The following ARHGAP18 variants were observed in gnomAD, a reference collection of about 807,000 sequenced individuals.
ARHGAP18 encodes Rho GTPase activating protein 18, also known as rho GTPase-activating protein 18.
In ARHGAP18, 67 loss-of-function variants were observed where a neutral mutation model predicts 86.2. The ratio of observed to expected loss-of-function variants is 0.78; its 90% CI spans 0.64 to 0.95. ARHGAP18 has a LOEUF of 0.95. Among genes scored for constraint, ARHGAP18 ranks in the 40% least tolerant of loss-of-function variants. The pLI is 0.00. For synonymous variants in ARHGAP18, 283 were observed against 280.4 expected (o/e 1.01, Z -0.09); for missense variants, 691 against 780.4 (o/e 0.89, Z 1.37).
intron 7 of ARHGAP18, among the ~76,000 whole-genome samples, chr6:129,614,747 G>GA (rs1259296555): frequency 7.7e-6 from 1 of 129,058 alleles, no homozygotes; most frequent in Non-Finnish European, 1.6e-5. Flanking sequence ...TGCAGTGACA[G>GA]ATTTTTTTTT....
chr6:129,635,486 G>A (rs1225599341), intron 3 of ARHGAP18, among the ~76,000 whole-genome samples: 1 of 152,156 alleles, frequency 6.6e-6, no homozygotes, highest in African/African-American at 2.4e-5. Context: ...CCCACAAGCC[G>A]GCAGAGGCTG....
chr6:129,638,734 C>G, intron 2 of ARHGAP18, 105 bp from the exon 3 acceptor site: 1 of 991,364 alleles, frequency 1.0e-6, no homozygotes, highest in Non-Finnish European at 1.5e-6. Context: ...TGTAACCAAA[C>G]CACAGTGCTA....
rs1432320355 is a variant in ARHGAP18 at position 129,576,875 on chromosome 6, T to C, written c.*1638A>G. ...ATTGTCAAAGAAACAGACTAAACTGTATTTTGAAAATCCTGAAGAATAAAA... is the reference window on the plus strand; with the variant it reads ...ATTGTCAAAGAAACAGACTAAACTGCATTTTGAAAATCCTGAAGAATAAAA... On this transcript the variant is annotated 3_prime_UTR_variant, in exon 15 of 15. Coordinates refer to ENST00000368149, the MANE Select transcript of ARHGAP18 (RefSeq NM_033515.3). 2 of 152,156 alleles carry C rather than the reference T, an allele frequency of 1.3e-5. No individual in the cohort carries two copies. Among genetic ancestry groups the C allele is most frequent in the Non-Finnish European group, 2.9e-5 (2 of 68,016 alleles). 9.4% of individuals were successfully genotyped at this position (152,156 alleles called of 1,614,324 possible).
At chr6:129,630,834 G>T (rs1773187964) in intron 4 of ARHGAP18, among the ~76,000 whole-genome samples, 1 of 152,106 alleles carries the variant, frequency 6.6e-6, no homozygotes, top group Admixed American at 6.6e-5. Flanking sequence ...TGTGCAGTTT[G>T]TCCCTGACCT....
At chr6:129,657,430 A>T (rs77108437) in intron 1 of ARHGAP18, among the ~76,000 whole-genome samples, 1,429 of 71,146 alleles carry the variant, frequency 0.02, 53 homozygotes, top group Admixed American at 0.13. Flanking sequence ...TTTTGAAATT[A>T]AAAAAAAAAA....
At chr6:129,633,879 C>T (rs973086332) in intron 4 of ARHGAP18, among the ~76,000 whole-genome samples, 163 bp downstream of exon 4, 2 of 151,976 alleles carry the variant, frequency 1.3e-5, no homozygotes, top group Non-Finnish European at 2.9e-5. Context: ...AATTGAAGGC[C>T]AGCTATATGC....
chr6:129,589,814 C>G (rs1177664641), intron 12 of ARHGAP18, among the ~76,000 whole-genome samples: 1 of 152,194 alleles, frequency 6.6e-6, no homozygotes. Flanking sequence ...AATAGGCCAT[C>G]TGCAAGCTGA....
chr6:129,618,621 C>A, intron 6 of ARHGAP18, 66 bp downstream of exon 6: 8 of 1,459,572 alleles, frequency 5.5e-6, no homozygotes, highest in South Asian at 2.8e-5. Flanking sequence ...AGAAATACTG[C>A]AAAAAAGCCA....
At chr6:129,635,851 T>C (rs952831169) in intron 3 of ARHGAP18, among the ~76,000 whole-genome samples, 1 of 152,218 alleles carries the variant, frequency 6.6e-6, no homozygotes, top group Non-Finnish European at 1.5e-5. Context: ...TAGTTCTCTC[T>C]TAATGACTCC....
At chr6:129,646,072 G>C (rs1584084630) in intron 1 of ARHGAP18, among the ~76,000 whole-genome samples, 1 of 152,082 alleles carries the variant, frequency 6.6e-6, no homozygotes, top group South Asian at 2.1e-4. Context: ...AGAGGTGGGG[G>C]TTGCCATTGA....
intron 1 of ARHGAP18, among the ~76,000 whole-genome samples, chr6:129,672,996 A>G (rs188840952): frequency 4.6e-5 from 7 of 152,354 alleles, no homozygotes; most frequent in Non-Finnish European, 8.8e-5. Context: ...CCAGTGATAT[A>G]ACCAGTTGTC....
At chr6:129,686,004 G>A (rs752132000) in intron 1 of ARHGAP18, among the ~76,000 whole-genome samples, 11 of 152,156 alleles carry the variant, frequency 7.2e-5, no homozygotes, top group Admixed American at 1.3e-4. Flanking sequence ...TGCCGGGGGC[G>A]GGCGGAGGGG....
chr6:129,621,292 C>A (rs374446254), intron 5 of ARHGAP18, among the ~76,000 whole-genome samples: 2 of 152,100 alleles, frequency 1.3e-5, no homozygotes, highest in Admixed American at 1.3e-4. Flanking sequence ...GAAACTAATT[C>A]CCTTTAAGCA....
At chr6:129,642,281 C>A (rs1057087147) in intron 1 of ARHGAP18, among the ~76,000 whole-genome samples, 2 of 152,142 alleles carry the variant, frequency 1.3e-5, no homozygotes, top group African/African-American at 4.8e-5. Context: ...AATGAAGACT[C>A]ATTTTTCAAA....
rs1218103368 is a variant in ARHGAP18 at position 129,625,110 on chromosome 6, AT to A, written c.786+4242del. Among the ~76,000 whole-genome samples the A allele has an allele frequency of 3.5e-4, 26 of 75,136 alleles. 5 individuals carry two copies. The highest frequency in any genetic ancestry group is 2.0e-3 in the East Asian group (6 of 3,060). The allele number at this position is 75,136 out of a possible 152,430, so 49.3% of individuals were successfully genotyped here. A position where few individuals can be genotyped will look rare whatever the true frequency, so the allele number is the denominator to read the frequency against. On this transcript the variant is annotated intron_variant, in intron 5 of 14. Coordinates refer to ENST00000368149, the MANE Select transcript of ARHGAP18 (RefSeq NM_033515.3). ...ATATGATATATGATATATATTATAT[AT>A]TATATAGATATATATTATATATGAT...
At chr6:129,688,515 G>A (rs1774471304) in intron 1 of ARHGAP18, among the ~76,000 whole-genome samples, 2 of 152,286 alleles carry the variant, frequency 1.3e-5, no homozygotes, top group Admixed American at 6.5e-5. Flanking sequence ...CTTATCAGCT[G>A]GGTGCCGTGG....
intron 1 of ARHGAP18, among the ~76,000 whole-genome samples, chr6:129,667,503 G>GTGTGCGTA (rs548429421): frequency 6.9e-6 from 1 of 145,288 alleles, no homozygotes; most frequent in South Asian, 2.2e-4. Context: ...GTGTGTGTGT[G>GTGTGCGTA]TGTTGTGTAT....
At chr6:129,642,151 A>T in intron 1 of ARHGAP18, 133 bp from the exon 2 acceptor site, 7 of 761,912 alleles carry the variant, frequency 9.2e-6, no homozygotes. Context: ...AGGAATATAT[A>T]TTTTGGAACA....
chr6:129,599,429 A>G, intron 11 of ARHGAP18, 73 bp from the exon 12 acceptor site: 1 of 1,244,950 alleles, frequency 8.0e-7, no homozygotes, highest in Non-Finnish European at 1.0e-6. Flanking sequence ...AAAAAATTAT[A>G]TTTTTTTAAA....
Sources: allele counts gnomAD v4.1 joint callset (sites outside exome capture counted in the v4.1 genomes callset), GRCh38; gene constraint gnomAD v4.1.1; transcripts MANE v1.5; gene names NCBI Gene and HGNC (gene_info 2026-07-23, HGNC 2026-07-21).